The following AGBL4 variants were observed in gnomAD, a reference collection of about 807,000 sequenced individuals.
The protein encoded by AGBL4 is cytosolic carboxypeptidase 6.
A neutral mutation model predicts 66.4 loss-of-function variants in AGBL4; 58 were observed. That is an observed-to-expected ratio of 0.87 (90% CI 0.71 to 1.09). The LOEUF (loss-of-function observed/expected upper bound fraction) is 1.09, where lower values mean the gene tolerates loss of function less well. Ranked by LOEUF, AGBL4 falls within the 50% of genes least tolerant of loss-of-function variation. AGBL4 has a pLI of 0.00. For synonymous variants in AGBL4, 234 were observed against 222.9 expected (o/e 1.05, Z -0.44); for missense variants, 579 against 631.0 (o/e 0.92, Z 0.88).
chr1:49,124,928 A>G (rs1557661354), intron 4 of AGBL4, among the ~76,000 whole-genome samples: 2 of 152,220 alleles, frequency 1.3e-5, no homozygotes, highest in Non-Finnish European at 2.9e-5. Context: ...GCCAGGGCTC[A>G]AAGAGTATGT....
intron 3 of AGBL4, among the ~76,000 whole-genome samples, chr1:49,563,883 G>A (rs1038948840): frequency 2.3e-4 from 35 of 152,146 alleles, no homozygotes; most frequent in Admixed American, 1.7e-3. Context: ...CAGAAGGAAT[G>A]GTACCAGCTC....
chr1:48,680,693 T>C (rs1646441542), intron 6 of AGBL4, among the ~76,000 whole-genome samples: 2 of 152,218 alleles, frequency 1.3e-5, no homozygotes, highest in East Asian at 3.8e-4. Context: ...GCAAGGCGGC[T>C]CTGGGGATTT....
intron 4 of AGBL4, among the ~76,000 whole-genome samples, chr1:49,083,007 C>T (rs1361050797): frequency 6.6e-6 from 1 of 152,214 alleles, no homozygotes; most frequent in Non-Finnish European, 1.5e-5. Context: ...AAAAAGATTT[C>T]ATTTGACCCC....
At chr1:49,462,314 G>T (rs995561113) in intron 3 of AGBL4, among the ~76,000 whole-genome samples, 1 of 151,674 alleles carries the variant, frequency 6.6e-6, no homozygotes, top group Non-Finnish European at 1.5e-5. Flanking sequence ...AGAGCAGAAA[G>T]AATAGAAAAG....
chr1:49,275,835 CTAAAGT>C (rs1250594669), intron 3 of AGBL4, among the ~76,000 whole-genome samples: 2 of 152,166 alleles, frequency 1.3e-5, no homozygotes, highest in East Asian at 3.9e-4. Context: ...GCCCTATAAA[CTAAAGT>C]TAAACAACTT....
chr1:48,623,967 T>G (rs1570043571), intron 9 of AGBL4, among the ~76,000 whole-genome samples: 1 of 152,178 alleles, frequency 6.6e-6, no homozygotes, highest in Non-Finnish European at 1.5e-5. Context: ...ATTTGTGGCC[T>G]GGGTAATTGA....
chr1:49,502,298 G>A (rs188609735), intron 3 of AGBL4, among the ~76,000 whole-genome samples: 6 of 152,160 alleles, frequency 3.9e-5, no homozygotes, highest in Admixed American at 3.9e-4. Flanking sequence ...GTCTATTGTG[G>A]TAGTTCACAT....
At chr1:50,014,889 T>C (rs1314302604) in intron 1 of AGBL4, among the ~76,000 whole-genome samples, 2 of 152,214 alleles carry the variant, frequency 1.3e-5, no homozygotes, top group Non-Finnish European at 2.9e-5. Flanking sequence ...TTTTGTGTGC[T>C]TGCACGTACT....
At chr1:48,839,636 T>A (rs1240157631) in intron 6 of AGBL4, among the ~76,000 whole-genome samples, 1 of 152,116 alleles carries the variant, frequency 6.6e-6, no homozygotes, top group Non-Finnish European at 1.5e-5. Flanking sequence ...ACACAGGAGT[T>A]GGTGATGAAT....
At chr1:49,186,726 G>T (rs978921675) in intron 4 of AGBL4, among the ~76,000 whole-genome samples, 1 of 152,198 alleles carries the variant, frequency 6.6e-6, no homozygotes, top group Non-Finnish European at 1.5e-5. Context: ...ATTTTACTCA[G>T]CCCTGGAAGA....
intron 2 of AGBL4, among the ~76,000 whole-genome samples, chr1:49,774,450 T>C (rs1022157831): frequency 5.3e-5 from 8 of 152,136 alleles, no homozygotes; most frequent in Non-Finnish European, 1.0e-4. Context: ...TGTTGAAATA[T>C]AGTTGTTTAT....
intron 3 of AGBL4, among the ~76,000 whole-genome samples, chr1:49,260,372 G>T (rs1557777474): frequency 2.0e-5 from 3 of 151,074 alleles, no homozygotes; most frequent in South Asian, 4.2e-4. Context: ...TCCAGGAGCT[G>T]GTTTTTTGAA....
At chr1:49,820,995 TA>T (rs1323523767) in intron 2 of AGBL4, among the ~76,000 whole-genome samples, 1 of 152,230 alleles carries the variant, frequency 6.6e-6, no homozygotes, top group Non-Finnish European at 1.5e-5. Context: ...AACACTTTGT[TA>T]ATCATAAAAT....
intron 6 of AGBL4, among the ~76,000 whole-genome samples, chr1:48,848,018 A>C (rs372416591): frequency 3.3e-5 from 5 of 152,162 alleles, no homozygotes; most frequent in African/African-American, 1.2e-4. Flanking sequence ...TTCCTGCTCC[A>C]TACCCTCTTT....
chr1:48,969,971 C>G (rs1212011146), intron 5 of AGBL4, among the ~76,000 whole-genome samples: 1 of 152,154 alleles, frequency 6.6e-6, no homozygotes, highest in Non-Finnish European at 1.5e-5. Flanking sequence ...TTTGAGACAA[C>G]TCTTTGAGGA....
intron 4 of AGBL4, among the ~76,000 whole-genome samples, chr1:49,176,141 A>T (rs748928630): frequency 7.2e-5 from 11 of 152,174 alleles, no homozygotes; most frequent in Non-Finnish European, 1.3e-4. Context: ...GGTGGTGGTG[A>T]TGATGATGAT....
At chr1:48,690,253 G>C (rs1646608260) in intron 6 of AGBL4, among the ~76,000 whole-genome samples, 1 of 152,222 alleles carries the variant, frequency 6.6e-6, no homozygotes, top group South Asian at 2.1e-4. Context: ...TGAGCACCAA[G>C]TGTGTACTGA....
chr1:49,859,853 T>C (rs373966155), intron 1 of AGBL4, among the ~76,000 whole-genome samples: 7 of 152,004 alleles, frequency 4.6e-5, no homozygotes, highest in Non-Finnish European at 7.4e-5. Flanking sequence ...ACAAAGAAGT[T>C]ACTAAAAAGT....
intron 6 of AGBL4, among the ~76,000 whole-genome samples, chr1:48,713,901 A>C (rs747297947): frequency 6.6e-6 from 1 of 152,210 alleles, no homozygotes; most frequent in African/African-American, 2.4e-5. Flanking sequence ...AAGACTGTGC[A>C]ATAGATATCT....
Sources: allele counts gnomAD v4.1 joint callset (sites outside exome capture counted in the v4.1 genomes callset), GRCh38; gene constraint gnomAD v4.1.1; transcripts MANE v1.5; gene names NCBI Gene and HGNC (gene_info 2026-07-23, HGNC 2026-07-21).